Variants in PRSS23 observed in about 807,000 individuals in gnomAD.
PRSS23 encodes serine protease 23.
PRSS23 carries 25 observed loss-of-function variants against 34.7 expected under a neutral mutation model. The observed-to-expected ratio is 0.72, with a 90% confidence interval of 0.53 to 1.01. The LOEUF is 1.01. PRSS23 is among the 50% of genes least tolerant of loss of function. The pLI, the probability that PRSS23 is intolerant of heterozygous loss-of-function variation, is 0.00. For synonymous variants in PRSS23, 176 were observed against 186.6 expected (o/e 0.94, Z 0.46); for missense variants, 445 against 475.6 (o/e 0.94, Z 0.60).
intron 2 of PRSS23, among the ~76,000 whole-genome samples, chr11:86,836,574 G>A (rs953097290): frequency 3.9e-5 from 6 of 152,186 alleles, no homozygotes; most frequent in African/African-American, 1.4e-4. Context: ...AGAAAAGCAT[G>A]TGAAAACAGT....
chr11:86,841,832 C>T (rs1360889962), intron 2 of PRSS23, among the ~76,000 whole-genome samples: 1 of 152,184 alleles, frequency 6.6e-6, no homozygotes, highest in Non-Finnish European at 1.5e-5. Context: ...GACAGATTCA[C>T]AGCCAAATTC....
chr11:86,887,761 C>T (rs1383894464), intron 2 of PRSS23, among the ~76,000 whole-genome samples: 1 of 152,032 alleles, frequency 6.6e-6, no homozygotes, highest in Non-Finnish European at 1.5e-5. Context: ...AATAATATTA[C>T]ACAATGTTGG....
At chr11:86,916,536 G>C (rs1949014010) in intron 2 of PRSS23, among the ~76,000 whole-genome samples, 1 of 152,164 alleles carries the variant, frequency 6.6e-6, no homozygotes, top group Non-Finnish European at 1.5e-5. Context: ...ATACTGACAG[G>C]AAGTGTGTGT....
intron 2 of PRSS23, among the ~76,000 whole-genome samples, chr11:86,944,193 A>G (rs1052548973): frequency 2.0e-5 from 3 of 152,024 alleles, no homozygotes; most frequent in East Asian, 1.9e-4. Flanking sequence ...CTGTAGCTGC[A>G]TAACTCCAAT....
chr11:86,848,011 A>G (rs1280541738), intron 2 of PRSS23, among the ~76,000 whole-genome samples: 3 of 152,240 alleles, frequency 2.0e-5, no homozygotes, highest in Admixed American at 6.5e-5. Flanking sequence ...TGTTAAAGGC[A>G]AAATGGAAAG....
intron 1 of PRSS23, among the ~76,000 whole-genome samples, chr11:86,805,339 C>T (rs1266792419): frequency 6.6e-6 from 1 of 152,200 alleles, no homozygotes; most frequent in Non-Finnish European, 1.5e-5. Flanking sequence ...CATTTCACTG[C>T]CAAGTTCTCC....
rs561273014 is a variant in PRSS23 at position 86,852,909 on chromosome 11, A to G, written c.206+29316A>G. ...TTCTCTGTCGCCCAGGCTGGAGTGC[A>G]GTGGCATGATCTCGGCTCACTGCAA... On this transcript the variant is annotated intron_variant, in intron 2 of 2. Coordinates refer to the PRSS23 transcript ENST00000533902. Among the ~76,000 whole-genome samples, 3 of 152,320 alleles carry G rather than the reference A, an allele frequency of 2.0e-5. No homozygotes were observed. The South Asian group carries it at 6.2e-4, about 32-fold the overall frequency.
intron 2 of PRSS23, among the ~76,000 whole-genome samples, chr11:86,824,201 G>A (rs1434635112): frequency 6.6e-6 from 1 of 151,122 alleles, no homozygotes; most frequent in African/African-American, 2.4e-5. Flanking sequence ...CCACCTACTT[G>A]GGAGGCTGAG....
intron 2 of PRSS23, among the ~76,000 whole-genome samples, chr11:86,845,771 C>T (rs904526894): frequency 3.3e-5 from 5 of 152,160 alleles, no homozygotes; most frequent in South Asian, 4.1e-4. Flanking sequence ...TATTTCTCTT[C>T]CCCCTACCCC....
chr11:86,933,050 T>G (rs1949136758), intron 2 of PRSS23: 1 of 152,178 alleles, frequency 6.6e-6, no homozygotes, highest in Admixed American at 6.5e-5. Flanking sequence ...TTCCCTGAAG[T>G]GTGAATCTCA....
rs35433370 is a variant in PRSS23, at chr11:86,808,883, C to CGTGTGTGT, written c.*107_*114dup. Reference sequence around the variant, plus strand: ...TTGTTTTTTGTCATTGGCGTGCACACGTGTGTGTGTGTGTGTGTGTGTGTG... The same window carrying CGTGTGTGT: ...TTGTTTTTTGTCATTGGCGTGCACACGTGTGTGTGTGTGTGTGTGTGTGTGTGTGTGTG... On this transcript the variant is annotated 3_prime_UTR_variant, in exon 2 of 2. Coordinates refer to ENST00000280258, the MANE Select transcript of PRSS23 (RefSeq NM_007173.6). 6.4e-3 allele frequency: 5,714 copies of CGTGTGTGT among 887,898 alleles called. 13 individuals carry two copies. The highest frequency in any genetic ancestry group is 0.02 in the East Asian group (801 of 39,682). 55.0% of individuals were successfully genotyped at this position (887,898 alleles called of 1,614,324 possible).
chr11:86,931,319 AATG>A (rs1357043365), intron 2 of PRSS23, among the ~76,000 whole-genome samples: 4 of 152,354 alleles, frequency 2.6e-5, no homozygotes, highest in African/African-American at 2.4e-5. Context: ...TAGTAGCAAA[AATG>A]ATGAAGAAAA....
chr11:86,808,817 C>T lies in PRSS23; in HGVS notation c.*22C>T, dbSNP rs753640085. On this transcript the variant is annotated 3_prime_UTR_variant, in exon 2 of 2. Coordinates refer to ENST00000280258, the MANE Select transcript of PRSS23 (RefSeq NM_007173.6). ...GTGACACAGTGTTCCCTCCTGGCAGCAATTAAGGGTCTTCATGTTCTTATT... is the reference window on the plus strand; with the variant it reads ...GTGACACAGTGTTCCCTCCTGGCAGTAATTAAGGGTCTTCATGTTCTTATT... 4 of 1,569,006 alleles carry T rather than the reference C, an allele frequency of 2.5e-6. No individual in the cohort carries two copies. The East Asian group carries it at 9.0e-5, about 35-fold the overall frequency.
At chr11:86,875,242 G>A (rs1296471016) in intron 2 of PRSS23, among the ~76,000 whole-genome samples, 2 of 152,168 alleles carry the variant, frequency 1.3e-5, no homozygotes, top group African/African-American at 4.8e-5. Context: ...GTGGTGGCGG[G>A]TGCCTGTAAT....
At chr11:86,851,740 G>T (rs180866462) in intron 2 of PRSS23, among the ~76,000 whole-genome samples, 1 of 152,314 alleles carries the variant, frequency 6.6e-6, no homozygotes, top group Admixed American at 6.5e-5. Context: ...GAGCTAAGAA[G>T]GTGGCACTTA....
At chr11:86,853,242 CTTTTTTTTT>C (rs561682096) in intron 2 of PRSS23, among the ~76,000 whole-genome samples, 8 of 47,790 alleles carry the variant, frequency 1.7e-4, no homozygotes, top group East Asian at 7.8e-4. Flanking sequence ...AAGTGCCTGC[CTTTTTTTTT>C]TTTTTTTTTT....
At chr11:86,868,570 C>T (rs1378684532) in intron 2 of PRSS23, among the ~76,000 whole-genome samples, 1 of 152,174 alleles carries the variant, frequency 6.6e-6, no homozygotes, top group Admixed American at 6.5e-5. Flanking sequence ...CCTTCCCAGT[C>T]TCCCTTTGAC....
intron 2 of PRSS23, chr11:86,832,493 A>G (rs550494691): frequency 6.4e-5 from 16 of 248,642 alleles, no homozygotes; most frequent in African/African-American, 3.4e-4. Context: ...CCACACTACA[A>G]AAGGAATGGA....
intron 2 of PRSS23, among the ~76,000 whole-genome samples, chr11:86,916,851 TTA>T (rs983300417): frequency 2.4e-4 from 37 of 152,136 alleles, no homozygotes; most frequent in African/African-American, 8.5e-4. Flanking sequence ...ACTGTAAAAC[TTA>T]TACGTCTGCC....
Sources: allele counts gnomAD v4.1 joint callset (sites outside exome capture counted in the v4.1 genomes callset), GRCh38; gene constraint gnomAD v4.1.1; transcripts MANE v1.5; gene names NCBI Gene and HGNC (gene_info 2026-07-23, HGNC 2026-07-21).